PDE1C: variants seen among roughly 807,000 people sequenced by gnomAD.
The protein encoded by PDE1C is dual specificity calcium/calmodulin-dependent 3',5'-cyclic nucleotide phosphodiesterase 1C.
In PDE1C, 62 loss-of-function variants were observed where a neutral mutation model predicts 93.1. The ratio of observed to expected loss-of-function variants is 0.67; its 90% CI spans 0.54 to 0.82. PDE1C has a LOEUF of 0.82. PDE1C is among the 40% of genes least tolerant of loss of function. The pLI is 0.00. For missense variants in PDE1C, 742 were observed against 884.6 expected, an observed-to-expected ratio of 0.84 and a Z score of 2.04; for synonymous variants, 325 against 310.1, an observed-to-expected ratio of 1.05 and a Z score of -0.50.
chr7:31,660,579 G>A, the PDE1C span, among the ~76,000 whole-genome samples: 1 of 151,678 alleles, frequency 6.6e-6, no homozygotes, highest in East Asian at 1.9e-4. Flanking sequence ...CTGTTTTGCA[G>A]CCCACTTCTG....
chr7:31,728,737 T>C, the PDE1C span, among the ~76,000 whole-genome samples: 1 of 152,208 alleles, frequency 6.6e-6, no homozygotes, highest in Non-Finnish European at 1.5e-5. Flanking sequence ...ATGTCAGTCC[T>C]GGAACCCCAA....
At position 32,012,213 on chromosome 7, in the gene PDE1C, TGGCCTCTAGTGAG is replaced by T. The variant is rs144594611; in HGVS notation, c.128+39328_128+39340del. Among the ~76,000 whole-genome samples, 195 of 152,328 alleles carry T rather than the reference TGGCCTCTAGTGAG, an allele frequency of 1.3e-3. 1 individual carries two copies. Among genetic ancestry groups the T allele is most frequent in the African/African-American group, 4.5e-3 (188 of 41,582 alleles). Reference sequence around the variant, plus strand: ...AGGAAGCATGACACCAACACTGGCTTGGCCTCTAGTGAGGGCCTCTAGTGAGGAAGTTTACAAT... The same window carrying T: ...AGGAAGCATGACACCAACACTGGCTTGGCCTCTAGTGAGGAAGTTTACAAT... On this transcript the variant is annotated intron_variant, in intron 2 of 17. Transcript: ENST00000396191.
chr7:32,318,443 C>G lies in PDE1C; in HGVS notation c.311-108904G>C, dbSNP rs1235535520. On this transcript the variant is annotated intron_variant, in intron 1 of 1. Transcript: ENST00000672256. ...CCAAATCTCGCCCTCTAGGGAGCGG[C>G]TCTCCCTCCGCCGCGGTCTACACAG... Among the ~76,000 whole-genome samples the G allele has an allele frequency of 2.6e-5, 4 of 151,844 alleles. No homozygotes were observed. In the South Asian group the frequency reaches 6.2e-4, roughly 24 times the overall value.
chr7:32,410,814 C>T (rs2128097777), intron 1 of PDE1C, among the ~76,000 whole-genome samples: 1 of 152,360 alleles, frequency 6.6e-6, no homozygotes, highest in African/African-American at 2.4e-5. Flanking sequence ...CTTGATAACT[C>T]TATTCCACCC....
At chr7:32,182,237 A>G (rs1455925927) in intron 2 of PDE1C, among the ~76,000 whole-genome samples, 1 of 152,230 alleles carries the variant, frequency 6.6e-6, no homozygotes, top group African/African-American at 2.4e-5. Flanking sequence ...AGGAGCTGGT[A>G]CCATTCCTTC....
chr7:32,006,002 A>C (rs1355723321), intron 2 of PDE1C, among the ~76,000 whole-genome samples: 1 of 152,166 alleles, frequency 6.6e-6, no homozygotes, highest in African/African-American at 2.4e-5. Context: ...TTCAAGAGTC[A>C]CTTCTTTAAA....
intron 3 of PDE1C, among the ~76,000 whole-genome samples, chr7:32,135,510 T>C (rs1385701530): frequency 6.6e-6 from 1 of 151,902 alleles, no homozygotes; most frequent in Non-Finnish European, 1.5e-5. Flanking sequence ...GACCAGAAGG[T>C]ATAAAAACTG....
downstream of PDE1C, among the ~76,000 whole-genome samples, chr7:31,746,473 T>C (rs149205247): frequency 1.5e-3 from 232 of 152,244 alleles, no homozygotes; most frequent in Admixed American, 3.3e-3. Flanking sequence ...GGAGTGCAGG[T>C]ACAGGACTGA....
chr7:32,309,124 C>T (rs190059756), intron 1 of PDE1C, among the ~76,000 whole-genome samples: 1 of 152,180 alleles, frequency 6.6e-6, no homozygotes, highest in African/African-American at 2.4e-5. Context: ...GGAGCCAATG[C>T]AATCAACTGG....
At chr7:31,635,747 G>A in the PDE1C span, among the ~76,000 whole-genome samples, 40 of 152,134 alleles carry the variant, frequency 2.6e-4, no homozygotes, top group African/African-American at 9.2e-4. Context: ...GACACAGGGA[G>A]GGGAACACCA....
intron 3 of PDE1C, among the ~76,000 whole-genome samples, chr7:32,130,404 C>G (rs1563337727): frequency 6.6e-6 from 1 of 152,098 alleles, no homozygotes; most frequent in Non-Finnish European, 1.5e-5. Flanking sequence ...CTCCCTTTCT[C>G]TCCTTCCTCT....
chr7:32,010,885 G>A (rs1323648301), intron 2 of PDE1C, among the ~76,000 whole-genome samples: 2 of 152,032 alleles, frequency 1.3e-5, no homozygotes, highest in African/African-American at 4.8e-5. Context: ...TTTTAATTTG[G>A]TTACCTCTGT....
At chr7:31,992,992 G>T (rs1784318628) in intron 2 of PDE1C, among the ~76,000 whole-genome samples, 1 of 152,152 alleles carries the variant, frequency 6.6e-6, no homozygotes, top group Non-Finnish European at 1.5e-5. Context: ...CCTACTTGGG[G>T]TATTGTCTAG....
At chr7:31,722,182 A>G in the PDE1C span, among the ~76,000 whole-genome samples, 1 of 151,844 alleles carries the variant, frequency 6.6e-6, no homozygotes, top group Middle Eastern at 3.4e-3. Flanking sequence ...TTAGCTACCC[A>G]CCAGTTCTCT....
chr7:31,963,414 C>T (rs537882769), intron 2 of PDE1C, among the ~76,000 whole-genome samples: 32 of 152,192 alleles, frequency 2.1e-4, no homozygotes, highest in Admixed American at 3.9e-4. Context: ...CACTCAGAAG[C>T]ATGGACTATT....
chr7:31,647,602 A>G, the PDE1C span, among the ~76,000 whole-genome samples: 1 of 142,292 alleles, frequency 7.0e-6, no homozygotes, highest in South Asian at 2.5e-4. Context: ...TGAACCTGGG[A>G]GGCGGAGACT....
chr7:32,071,455 G>C, upstream of PDE1C: 1 of 980,992 alleles, frequency 1.0e-6, no homozygotes, highest in Non-Finnish European at 1.2e-6. Context: ...TCTCTCGCTC[G>C]CGCTCTCTCT....
intron 1 of PDE1C, among the ~76,000 whole-genome samples, chr7:32,225,052 C>G (rs552946606): frequency 6.6e-6 from 1 of 150,662 alleles, no homozygotes; most frequent in South Asian, 2.1e-4. Flanking sequence ...TTAAAATATA[C>G]GACTAAGTAT....
chr7:32,329,129 G>C (rs1241876864), intron 1 of PDE1C, among the ~76,000 whole-genome samples: 1 of 152,160 alleles, frequency 6.6e-6, no homozygotes, highest in Non-Finnish European at 1.5e-5. Context: ...CTACCCAGGA[G>C]GCTAAGGTGG....
Sources: allele counts gnomAD v4.1 joint callset (sites outside exome capture counted in the v4.1 genomes callset), GRCh38; gene constraint gnomAD v4.1.1; transcripts MANE v1.5; gene names NCBI Gene and HGNC (gene_info 2026-07-23, HGNC 2026-07-21).